KYNU: variants seen among roughly 807,000 people sequenced by gnomAD.
KYNU encodes the protein L-kynurenine hydrolase.
KYNU carries 54 observed loss-of-function variants against 59.2 expected under a neutral mutation model. That is an observed-to-expected ratio of 0.91 (90% CI 0.73 to 1.14). The LOEUF (loss-of-function observed/expected upper bound fraction) is 1.14, where lower values mean the gene tolerates loss of function less well. KYNU is among the 50% of genes most tolerant of loss of function. The probability of loss-of-function intolerance (pLI) is 0.00; values close to 1 mark genes in which losing one functional copy is unlikely to be tolerated. For missense variants in KYNU, 567 were observed against 554.4 expected (o/e 1.02, Z -0.23); for synonymous variants, 177 against 192.0 (o/e 0.92, Z 0.65).
intron 10 of KYNU, among the ~76,000 whole-genome samples, chr2:143,024,162 A>C (rs13008636): frequency 0.15 from 22,653 of 151,828 alleles, 2,208 homozygotes; most frequent in South Asian, 0.36. Context: ...CTTGATATTC[A>C]CTTTGTATTC....
At chr2:142,878,808 T>C (rs999589177) in intron 1 of KYNU, among the ~76,000 whole-genome samples, 26 of 152,216 alleles carry the variant, frequency 1.7e-4, no homozygotes, top group Admixed American at 6.5e-5. Flanking sequence ...TCAGAAGGTA[T>C]TGATAATTTA....
intron 4 of KYNU, chr2:142,947,158 G>A (rs1025603217): frequency 5.8e-6 from 9 of 1,550,922 alleles, no homozygotes; most frequent in African/African-American, 1.4e-5. Context: ...ACCTCAGTAT[G>A]TGTAATCTTA....
At chr2:142,935,032 T>C (rs1683341510) in intron 4 of KYNU, among the ~76,000 whole-genome samples, 1 of 152,174 alleles carries the variant, frequency 6.6e-6, no homozygotes, top group Non-Finnish European at 1.5e-5. Flanking sequence ...ACTACCTGTG[T>C]TTTGCCTTTC....
At chr2:142,880,681 A>G (rs914590802) in intron 1 of KYNU, among the ~76,000 whole-genome samples, 1 of 152,230 alleles carries the variant, frequency 6.6e-6, no homozygotes, top group South Asian at 2.1e-4. Context: ...AAACATCATC[A>G]CTGTTTGGTT....
At position 143,054,370 on chromosome 2, in the gene KYNU, T is replaced by A. The variant is rs1687317749; in HGVS notation, c.*12198T>A. 6.6e-6 allele frequency: 1 copy of A among 152,146 alleles called. No individual in the cohort carries two copies. The highest frequency in any genetic ancestry group is 2.1e-4 in the South Asian group (1 of 4,836). 9.4% of individuals were successfully genotyped at this position (152,146 alleles called of 1,614,324 possible). On this transcript the variant is annotated 3_prime_UTR_variant, in exon 14 of 14. Coordinates refer to ENST00000264170, the MANE Select transcript of KYNU (RefSeq NM_003937.3). ...TTATAAATACTCTACTTTGGAAAAT[T>A]ATTCTTTATAGGAAATTACAGATAA...
intron 2 of KYNU, among the ~76,000 whole-genome samples, chr2:142,907,861 C>G (rs7564368): frequency 6.6e-6 from 1 of 152,102 alleles, no homozygotes; most frequent in African/African-American, 2.4e-5. Flanking sequence ...CTTAGGAATT[C>G]TTAGTCAACC....
intron 4 of KYNU, among the ~76,000 whole-genome samples, chr2:142,944,291 TC>T (rs943228796): frequency 5.3e-5 from 8 of 152,182 alleles, no homozygotes; most frequent in African/African-American, 1.9e-4. Context: ...ACTTAATGGA[TC>T]CATAAACATT....
intron 10 of KYNU, among the ~76,000 whole-genome samples, chr2:142,987,060 G>A (rs928902035): frequency 6.6e-6 from 1 of 151,798 alleles, no homozygotes; most frequent in Non-Finnish European, 1.5e-5. Context: ...TAGTCAACCA[G>A]ACATCTTACT....
intron 10 of KYNU, among the ~76,000 whole-genome samples, chr2:142,990,860 G>A (rs534643293): frequency 1.3e-5 from 2 of 151,950 alleles, no homozygotes; most frequent in African/African-American, 4.8e-5. Context: ...CATTTTAAAG[G>A]CCTTATTAAG....
At chr2:142,928,589 C>T (rs1448564002) in intron 4 of KYNU, among the ~76,000 whole-genome samples, 3 of 152,032 alleles carry the variant, frequency 2.0e-5, no homozygotes, top group Non-Finnish European at 2.9e-5. Flanking sequence ...GAAAGCTGGA[C>T]TTATGCATAG....
At chr2:142,967,310 T>C (rs1573851346) in intron 8 of KYNU, 1 of 152,288 alleles carries the variant, frequency 6.6e-6, no homozygotes, top group African/African-American at 2.4e-5. Flanking sequence ...TTGTTTTTTT[T>C]CAGCTTACTA....
At chr2:142,951,866 A>C (rs1684001587) in intron 4 of KYNU, among the ~76,000 whole-genome samples, 1 of 152,232 alleles carries the variant, frequency 6.6e-6, no homozygotes, top group Admixed American at 6.5e-5. Context: ...GGGATTATTT[A>C]CAAAGAATTG....
intron 2 of KYNU, among the ~76,000 whole-genome samples, chr2:142,910,275 T>C (rs1682439444): frequency 1.3e-5 from 2 of 151,812 alleles, no homozygotes; most frequent in African/African-American, 4.8e-5. Flanking sequence ...TATCTGGGAC[T>C]ACAGGCCTCT....
At chr2:143,016,059 C>G (rs944055716) in intron 10 of KYNU, among the ~76,000 whole-genome samples, 1 of 152,182 alleles carries the variant, frequency 6.6e-6, no homozygotes, top group African/African-American at 2.4e-5. Context: ...TAAACAACAA[C>G]CAATTCTAGA....
rs558258062 is a variant in KYNU at position 142,902,346 on chromosome 2, T to C, written c.170-16263T>C. ...CTTGCCCCGTTGGTAAGCTTAACACTGAGTCTTGGGTTAAGGCCTTTTTTT... is the reference window on the plus strand; with the variant it reads ...CTTGCCCCGTTGGTAAGCTTAACACCGAGTCTTGGGTTAAGGCCTTTTTTT... On this transcript the variant is annotated intron_variant, in intron 2 of 13. Transcript: ENST00000264170. 2.0e-5 allele frequency among the ~76,000 whole-genome samples: 3 copies of C among 152,332 alleles called. No homozygotes were observed. The South Asian group carries it at 6.2e-4, about 32-fold the overall frequency.
chr2:142,919,956 C>G (rs1682818564), intron 3 of KYNU, among the ~76,000 whole-genome samples: 1 of 152,094 alleles, frequency 6.6e-6, no homozygotes, highest in Non-Finnish European at 1.5e-5. Flanking sequence ...CCTGTAATCT[C>G]AGCTATTCAG....
At chr2:142,879,944 A>G (rs1681234589) in intron 1 of KYNU, among the ~76,000 whole-genome samples, 1 of 144,712 alleles carries the variant, frequency 6.9e-6, no homozygotes, top group Admixed American at 8.3e-5. Context: ...CAAAGGGCTG[A>G]CCTCCCAAAG....
At chr2:142,951,241 G>A (rs1383065958) in intron 4 of KYNU, among the ~76,000 whole-genome samples, 5 of 152,180 alleles carry the variant, frequency 3.3e-5, no homozygotes, top group African/African-American at 9.6e-5. Context: ...CAGACCTACA[G>A]TTTGTTTAAC....
In KYNU at chr2:142,968,037, G is replaced by A. The variant is rs115010585; in HGVS notation, c.729+7267G>A. 1.5e-3 allele frequency among the ~76,000 whole-genome samples: 224 copies of A among 152,234 alleles called. 1 individual carries two copies. The highest frequency in any genetic ancestry group is 5.2e-3 in the African/African-American group (215 of 41,542). On this transcript the variant is annotated intron_variant, in intron 8 of 13. Coordinates refer to ENST00000264170, the MANE Select transcript of KYNU (RefSeq NM_003937.3). ...AAATAAGTCATCTTTACCAGAAATT[G>A]TTGACATTAGAGACATTTTGCTATT...
Sources: allele counts gnomAD v4.1 joint callset (sites outside exome capture counted in the v4.1 genomes callset), GRCh38; gene constraint gnomAD v4.1.1; transcripts MANE v1.5; gene names NCBI Gene and HGNC (gene_info 2026-07-23, HGNC 2026-07-21).